NCKAP1: variants seen among roughly 807,000 people sequenced by gnomAD.
The protein encoded by NCKAP1 is NCK associated protein 1, also known as nck-associated protein 1.
Under a neutral mutation model 151.2 loss-of-function variants are expected in NCKAP1, and 21 were observed. The ratio of observed to expected loss-of-function variants is 0.14; its 90% confidence interval spans 0.10 to 0.20. NCKAP1 has a LOEUF of 0.20. Among genes scored for constraint, NCKAP1 ranks in the 10% least tolerant of loss-of-function variants. The pLI is 1.00. For missense variants in NCKAP1, 933 were observed against 1,352.1 expected (o/e 0.69, Z 4.86); for synonymous variants, 484 against 451.8 (o/e 1.07, Z -0.90).
intron 2 of NCKAP1, among the ~76,000 whole-genome samples, chr2:183,009,704 T>A (rs1305507406): frequency 2.0e-5 from 3 of 152,206 alleles, no homozygotes; most frequent in African/African-American, 7.2e-5. Flanking sequence ...TTTGCACTGC[T>A]GTGCAACCAT....
intron 2 of NCKAP1, among the ~76,000 whole-genome samples, chr2:183,020,994 T>C (rs1698787964): frequency 6.6e-6 from 1 of 152,048 alleles, no homozygotes; most frequent in Admixed American, 6.6e-5. Flanking sequence ...AGAATAGTTG[T>C]AAAGGCAATA....
chr2:183,003,222 A>G lies in NCKAP1; in HGVS notation c.312+11T>C, dbSNP rs1196181248. On this transcript the variant is annotated intron_variant, in intron 3 of 30. Transcript: ENST00000361354. ...TCTGAAGTGTTAAATATTATATATT[A>G]AAATACATACCTTAAATTCCATAAC... 1 of 1,425,164 alleles carries G rather than the reference A, an allele frequency of 7.0e-7. No homozygotes were observed. The highest frequency in any genetic ancestry group is 2.0e-5 in the Admixed American group (1 of 50,406). The allele number at this position is 1,425,164 out of a possible 1,614,324, so 88.3% of individuals were successfully genotyped here.
chr2:182,923,398 A>G lies in NCKAP1; in HGVS notation c.*2304T>C, dbSNP rs896817564. 6.5e-4 allele frequency: 99 copies of G among 151,950 alleles called. No individual in the cohort carries two copies. The highest frequency in any genetic ancestry group is 2.2e-3 in the African/African-American group (93 of 41,434). The allele number at this position is 151,950 out of a possible 1,614,324, so 9.4% of individuals were successfully genotyped here. On this transcript the variant is annotated 3_prime_UTR_variant, in exon 31 of 31. Coordinates refer to ENST00000361354, the MANE Select transcript of NCKAP1 (RefSeq NM_013436.5). ...AACAATTCTTCCACCTCAGCCTCCC[A>G]TGTAGCCAGGATGATAGGTGTGCAC...
intron 15 of NCKAP1, among the ~76,000 whole-genome samples, chr2:182,975,314 C>T (rs1697783237): frequency 6.6e-6 from 1 of 152,080 alleles, no homozygotes; most frequent in African/African-American, 2.4e-5. Context: ...TCCCTGATCT[C>T]CCACTAACTG....
chr2:182,968,473 T>C (rs1355246509), intron 15 of NCKAP1, among the ~76,000 whole-genome samples: 3 of 152,196 alleles, frequency 2.0e-5, no homozygotes, highest in Non-Finnish European at 4.4e-5. Flanking sequence ...GAGCCACTCA[T>C]TCTCTAGGCC....
Position 182,923,220 on chromosome 2 carries a change from A to G in NCKAP1, c.*2482T>C, listed in dbSNP as rs1305221272. The stretch of plus-strand genomic sequence containing the variant: ...CAACTTTACCAAGATATAGATATAC[A>G]TTTATAATAATGAAAAGAAATTGTC... On this transcript the variant is annotated 3_prime_UTR_variant, in exon 31 of 31. Coordinates refer to ENST00000361354, the MANE Select transcript of NCKAP1 (RefSeq NM_013436.5). The G allele has an allele frequency of 6.6e-6, 1 of 152,196 alleles. No homozygotes were observed. The highest frequency in any genetic ancestry group is 1.5e-5 in the Non-Finnish European group (1 of 68,020). The allele number at this position is 152,196 out of a possible 1,614,324, so 9.4% of individuals were successfully genotyped here.
intron 1 of NCKAP1, among the ~76,000 whole-genome samples, chr2:183,033,454 C>T (rs866809007): frequency 6.6e-6 from 1 of 152,154 alleles, no homozygotes; most frequent in Non-Finnish European, 1.5e-5. Flanking sequence ...CTCAAGACTC[C>T]GACAATCCTA....
At chr2:183,030,159 A>C (rs1294477328) in intron 1 of NCKAP1, among the ~76,000 whole-genome samples, 5 of 152,180 alleles carry the variant, frequency 3.3e-5, no homozygotes, top group Admixed American at 3.3e-4. Flanking sequence ...CTCAGGAAGC[A>C]GTTGCTATCA....
At chr2:182,944,894 G>T (rs1697068426) in intron 23 of NCKAP1, among the ~76,000 whole-genome samples, 1 of 152,178 alleles carries the variant, frequency 6.6e-6, no homozygotes, top group Non-Finnish European at 1.5e-5. Flanking sequence ...CTGAAGCCAA[G>T]AGTTTGAGAC....
chr2:182,971,849 T>C (rs1697703360), intron 15 of NCKAP1, among the ~76,000 whole-genome samples: 1 of 152,050 alleles, frequency 6.6e-6, no homozygotes, highest in Non-Finnish European at 1.5e-5. Context: ...CTGAGAAAAC[T>C]GGATATCCAC....
chr2:183,021,079 A>T (rs1021305092), intron 2 of NCKAP1, among the ~76,000 whole-genome samples: 2 of 152,228 alleles, frequency 1.3e-5, no homozygotes, highest in Non-Finnish European at 2.9e-5. Flanking sequence ...AACATTGTAC[A>T]ATCAATTTTA....
chr2:183,002,844 A>G, intron 4 of NCKAP1, 130 bp downstream of exon 4: 1 of 614,156 alleles, frequency 1.6e-6, no homozygotes, highest in Non-Finnish European at 2.8e-6. Flanking sequence ...AAAAAGCTAT[A>G]AAACAAGCCA....
chr2:182,984,609 G>A (rs1407231062), intron 10 of NCKAP1, among the ~76,000 whole-genome samples: 2 of 143,644 alleles, frequency 1.4e-5, no homozygotes, highest in Non-Finnish European at 3.2e-5. Flanking sequence ...TGTAGAATAA[G>A]TATGATGACA....
chr2:182,975,220 T>C lies in NCKAP1; in HGVS notation c.1482+1673A>G, dbSNP rs558046794. On this transcript the variant is annotated intron_variant, in intron 15 of 30. Coordinates refer to ENST00000361354, the MANE Select transcript of NCKAP1 (RefSeq NM_013436.5). ...CTTTTTAAAAACAAAGAGGTGTCAA[T>C]TTTAAAACTTTATTTGTAATAAGAA... Among the ~76,000 whole-genome samples, 3 of 152,312 alleles carry C rather than the reference T, an allele frequency of 2.0e-5. No individual in the cohort carries two copies. The South Asian group carries it at 6.2e-4, about 32-fold the overall frequency.
At chr2:182,953,893 T>C (rs1311653762) in intron 20 of NCKAP1, among the ~76,000 whole-genome samples, 1 of 152,174 alleles carries the variant, frequency 6.6e-6, no homozygotes, top group Non-Finnish European at 1.5e-5. Flanking sequence ...GTGATTTAAG[T>C]ATAAAGAGGG....
chr2:182,957,705 CAA>C (rs755962953), intron 18 of NCKAP1, 109 bp from the exon 19 acceptor site: 6 of 1,177,028 alleles, frequency 5.1e-6, no homozygotes, highest in Non-Finnish European at 7.1e-6. Context: ...AATATCACAA[CAA>C]TATTAAAAGA....
chr2:182,998,431 A>G (rs1174662739), intron 6 of NCKAP1, among the ~76,000 whole-genome samples: 4 of 152,218 alleles, frequency 2.6e-5, no homozygotes, highest in African/African-American at 9.6e-5. Context: ...ATAATTCTAT[A>G]CCTAGAAAAC....
chr2:183,003,879 T>C lies in NCKAP1; in HGVS notation c.220-554A>G, dbSNP rs1322302266. 4.0e-5 allele frequency among the ~76,000 whole-genome samples: 6 copies of C among 149,886 alleles called. No individual in the cohort carries two copies. In the East Asian group the frequency reaches 1.2e-3, roughly 29 times the overall value. ...AAAAACCACAACAACAAAAAAGAAA[T>C]GAGAAAGAAGCAAAACTAGAGTTAA... On this transcript the variant is annotated intron_variant, in intron 2 of 30. Coordinates refer to ENST00000361354, the MANE Select transcript of NCKAP1 (RefSeq NM_013436.5).
At chr2:182,933,477 T>A (rs2105802821) in intron 26 of NCKAP1, among the ~76,000 whole-genome samples, 1 of 145,222 alleles carries the variant, frequency 6.9e-6, no homozygotes, top group East Asian at 2.1e-4. Flanking sequence ...CACCACAACC[T>A]GCACCTCCTG....
Sources: allele counts gnomAD v4.1 joint callset (sites outside exome capture counted in the v4.1 genomes callset), GRCh38; gene constraint gnomAD v4.1.1; transcripts MANE v1.5; gene names NCBI Gene and HGNC (gene_info 2026-07-23, HGNC 2026-07-21).